The following DCC variants were observed in gnomAD, a reference collection of about 807,000 sequenced individuals.
The protein encoded by DCC is netrin receptor DCC.
In DCC, 58 loss-of-function variants were observed where a neutral mutation model predicts 172.5. That is an observed-to-expected ratio of 0.34 (90% CI 0.27 to 0.42). The LOEUF is 0.42. Among genes scored for constraint, DCC ranks in the 10% least tolerant of loss-of-function variants. DCC has a pLI of 1.00. For missense variants in DCC, 1,740 were observed against 1,791.0 expected (o/e 0.97, Z 0.51); for synonymous variants, 709 against 644.5 (o/e 1.10, Z -1.52).
chr18:52,927,099 G>A (rs1445102930), intron 5 of DCC, among the ~76,000 whole-genome samples: 3 of 49,668 alleles, frequency 6.0e-5, no homozygotes, highest in East Asian at 3.8e-4. Flanking sequence ...GTATATACGT[G>A]TATATACACG....
chr18:53,345,776 C>T (rs8090898), intron 15 of DCC, among the ~76,000 whole-genome samples: 146,135 of 151,492 alleles, frequency 0.96, 70,709 homozygotes, highest in Middle Eastern at 1. Flanking sequence ...TTTTTTCTTT[C>T]CTCCAGTTCT....
intron 5 of DCC, among the ~76,000 whole-genome samples, chr18:53,037,126 G>A (rs951400767): frequency 2.6e-5 from 4 of 151,942 alleles, no homozygotes; most frequent in African/African-American, 9.7e-5. Flanking sequence ...AAGAGGCATT[G>A]TCAACTCAGT....
intron 5 of DCC, among the ~76,000 whole-genome samples, chr18:52,956,818 A>G (rs1477194846): frequency 6.6e-6 from 1 of 152,136 alleles, no homozygotes; most frequent in Admixed American, 6.5e-5. Context: ...AAATTTGTAA[A>G]CATGTTTTAA....
At position 53,207,774 on chromosome 18, in the gene DCC, G is replaced by A. The variant is rs143737066; in HGVS notation, c.1818G>A (p.Pro606=). 2.7e-4 allele frequency: 429 copies of A among 1,613,230 alleles called. 1 individual carries two copies. In the African/African-American group the frequency reaches 4.5e-3, roughly 17 times the overall value. ...LRFLAYNRYG[P]GVSTDDITVV... ...TCTTAGCTTATAATCGCTATGGTCC[G>A]GGCGTCTCTACTGATGATATAACAG... Residue 606 remains proline (P), a synonymous_variant, in exon 11 of 29, where the codon CCG becomes CCA. Transcript: ENST00000442544.
intron 2 of DCC, among the ~76,000 whole-genome samples, chr18:52,867,569 T>C (rs1364149481): frequency 6.6e-6 from 1 of 152,158 alleles, no homozygotes; most frequent in African/African-American, 2.4e-5. Flanking sequence ...AACTTGTTAT[T>C]TGTTTATTCA....
intron 2 of DCC, among the ~76,000 whole-genome samples, chr18:52,755,150 T>C (rs1221279081): frequency 6.6e-6 from 1 of 152,220 alleles, no homozygotes; most frequent in Non-Finnish European, 1.5e-5. Flanking sequence ...TTTCAGTCAC[T>C]AGAGAATTTC....
At chr18:53,069,745 A>G (rs1166204234) in intron 7 of DCC, among the ~76,000 whole-genome samples, 1 of 152,164 alleles carries the variant, frequency 6.6e-6, no homozygotes, top group Non-Finnish European at 1.5e-5. Context: ...ACCCTGAGGA[A>G]GCCCTAAATA....
At chr18:53,048,486 GGTTTGTGTGT>G (rs2042288878) in intron 5 of DCC, among the ~76,000 whole-genome samples, 1 of 111,666 alleles carries the variant, frequency 9.0e-6, no homozygotes, top group Non-Finnish European at 1.7e-5. Flanking sequence ...AATACTCCAT[GGTTTGTGTGT>G]GTGTGTGTGT....
In DCC at chr18:53,240,378, AATC is replaced by A. The variant is rs2056275962; in HGVS notation, c.1911+24785_1911+24787del. 2.6e-5 allele frequency among the ~76,000 whole-genome samples: 4 copies of A among 152,162 alleles called. No individual in the cohort carries two copies. The South Asian group carries it at 8.3e-4, about 31-fold the overall frequency. On this transcript the variant is annotated intron_variant, in intron 12 of 28. Transcript: ENST00000442544. ...TCTTATCAAGAATTGTGGGATCAAC[AATC>A]ATCTCTGTGATTGTCATAGTTACAA...
At chr18:52,973,237 T>C (rs1254791769) in intron 5 of DCC, among the ~76,000 whole-genome samples, 2 of 152,202 alleles carry the variant, frequency 1.3e-5, no homozygotes, top group East Asian at 3.8e-4. Flanking sequence ...AATTGACAAG[T>C]ATTCATGTTT....
intron 27 of DCC, 82 bp downstream of exon 27, chr18:53,499,592 C>T (rs1297712964): frequency 1.8e-6 from 2 of 1,116,294 alleles, no homozygotes; most frequent in East Asian, 2.3e-5. Flanking sequence ...CTTGAGAAGG[C>T]CTAGATGTCA....
intron 8 of DCC, among the ~76,000 whole-genome samples, chr18:53,161,897 AT>A (rs1229934730): frequency 6.6e-6 from 1 of 152,210 alleles, no homozygotes; most frequent in Non-Finnish European, 1.5e-5. Context: ...GCTGGTTATG[AT>A]TTTATATTCT....
At chr18:53,305,769 T>G in intron 13 of DCC, 50 bp downstream of exon 13, 6 of 1,580,264 alleles carry the variant, frequency 3.8e-6, no homozygotes, top group African/African-American at 1.3e-5. Flanking sequence ...AATTAAATGC[T>G]TTAGGAATAA....
chr18:52,583,214 G>T (rs888324843), intron 1 of DCC, among the ~76,000 whole-genome samples: 3 of 152,130 alleles, frequency 2.0e-5, no homozygotes, highest in African/African-American at 7.2e-5. Context: ...GCCTACAAAA[G>T]CTAGCGTAAG....
intron 23 of DCC, among the ~76,000 whole-genome samples, chr18:53,454,816 C>T (rs993637245): frequency 7.2e-5 from 11 of 152,104 alleles, no homozygotes; most frequent in Admixed American, 2.0e-4. Flanking sequence ...CACTTGTTAA[C>T]GTTTTAATTG....
At chr18:52,840,708 C>T (rs138297548) in intron 2 of DCC, among the ~76,000 whole-genome samples, 18 of 152,254 alleles carry the variant, frequency 1.2e-4, no homozygotes, top group East Asian at 9.7e-4. Flanking sequence ...ATCTGGCTAT[C>T]GCAAGTAGAA....
chr18:53,225,370 C>A (rs1277921939), intron 12 of DCC, among the ~76,000 whole-genome samples: 1 of 152,078 alleles, frequency 6.6e-6, no homozygotes, highest in Non-Finnish European at 1.5e-5. Context: ...ATAACCACAA[C>A]TTTTAGAAAT....
chr18:52,878,313 A>G (rs73458909), intron 2 of DCC, among the ~76,000 whole-genome samples: 7,270 of 152,210 alleles, frequency 0.048, 239 homozygotes, highest in South Asian at 0.14. Flanking sequence ...ACCCATAAGA[A>G]TCACTCTCTT....
In DCC at chr18:52,616,442, G is replaced by A. The variant is rs79365947; in HGVS notation, c.92-135612G>A. On this transcript the variant is annotated intron_variant, in intron 1 of 28. Transcript: ENST00000442544. ...TATGCCAGAGATGTCTTCAAGGAGA[G>A]ATTGAGGGAAATATGGTAGAGTATG... Among the ~76,000 whole-genome samples, 759 of 152,252 alleles carry A rather than the reference G, an allele frequency of 5.0e-3. 22 individuals carry two copies. The South Asian group carries it at 0.056, about 11-fold the overall frequency.
Sources: gnomAD v4.1 joint callset for allele counts (sites outside exome capture counted in the v4.1 genomes callset) on GRCh38, gnomAD v4.1.1 for gene constraint, MANE v1.5 for transcripts, NCBI Gene and HGNC (gene_info 2026-07-23, HGNC 2026-07-21) for gene names.